ABR: variants seen among roughly 807,000 people sequenced by gnomAD.
ABR encodes the protein ABR activator of RhoGEF and GTPase.
In ABR, 35 loss-of-function variants were observed where a neutral mutation model predicts 107.2. The observed-to-expected ratio is 0.33, with a 90% CI of 0.25 to 0.43. The LOEUF (loss-of-function observed/expected upper bound fraction) is 0.43. Among genes scored for constraint, ABR ranks in the 20% least tolerant of loss-of-function variants. The pLI, the probability that ABR is intolerant of heterozygous loss-of-function variation, is 1.00. For synonymous variants in ABR, 498 were observed against 462.0 expected (o/e 1.08, Z -1.00); for missense variants, 815 against 1,115.2 (o/e 0.73, Z 3.83).
intron 5 of ABR, among the ~76,000 whole-genome samples, chr17:1,081,782 G>A (rs1211002496): frequency 1.3e-5 from 2 of 151,500 alleles, no homozygotes; most frequent in African/African-American, 4.9e-5. Flanking sequence ...TCGCCACGTT[G>A]GCCAGGCTGG....
intron 1 of ABR, among the ~76,000 whole-genome samples, chr17:1,135,212 G>A (rs1201113132): frequency 6.6e-6 from 1 of 152,156 alleles, no homozygotes; most frequent in Admixed American, 6.5e-5. Context: ...GGGCCGTGCT[G>A]GAGAGGAGGC....
intron 1 of ABR, among the ~76,000 whole-genome samples, chr17:1,169,036 C>T (rs780458693): frequency 3.9e-5 from 6 of 152,214 alleles, no homozygotes; most frequent in Non-Finnish European, 7.3e-5. Context: ...TGACCCTCCC[C>T]GTGACGCACT....
rs2589490 is a variant in ABR, at chr17:1,063,607, C to T, written c.1182+3470G>A. Among the ~76,000 whole-genome samples the T allele has an allele frequency of 8.2e-4, 97 of 118,024 alleles. 2 individuals are homozygous for T. The highest frequency in any genetic ancestry group is 3.2e-3 in the African/African-American group (93 of 29,154). The allele number at this position is 118,024 out of a possible 152,430, so 77.4% of individuals were successfully genotyped here. On this transcript the variant is annotated intron_variant, in intron 10 of 22. Coordinates refer to ENST00000302538, the MANE Select transcript of ABR (RefSeq NM_021962.5). ...CATGTTGCTCTAGACACTGTTGTTA[C>T]GTGAACTGAGGGCTATGCATGTTCC...
rs149946801 is a variant in ABR at position 1,097,973 on chromosome 17, T to C, written c.345+2664A>G. On this transcript the variant is annotated intron_variant, in intron 3 of 22. Transcript: ENST00000302538. ...GCATCTCCCGATCTTCTCAACCCCA[T>C]GGAAAGAGAGAGAAAGAATGGCATC... 1.5e-3 allele frequency among the ~76,000 whole-genome samples: 230 copies of C among 152,078 alleles called. 1 individual carries two copies. Among genetic ancestry groups the C allele is most frequent in the African/African-American group, 4.6e-3 (189 of 41,472 alleles).
chr17:1,166,677 G>T (rs1171704865), intron 1 of ABR, among the ~76,000 whole-genome samples: 1 of 152,222 alleles, frequency 6.6e-6, no homozygotes, highest in Non-Finnish European at 1.5e-5. Context: ...AGTGTGGGCA[G>T]CGCGGGCCTC....
Position 1,072,688 on chromosome 17 carries a change from A to C in ABR, c.820T>G (p.Ser274Ala), listed in dbSNP as rs2035340590. 6.2e-7 allele frequency: 1 copy of C among 1,613,464 alleles called. No homozygotes were observed. The highest frequency in any genetic ancestry group is 8.5e-7 in the Non-Finnish European group (1 of 1,179,822). The change falls in exon 8 of 23, where the codon TCC becomes GCC. Residue 274 changes from serine (S) to alanine (A), a missense_variant. Around this residue, in one of 5 missense-constraint regions of ABR, gnomAD observed 385 missense variants for 596.9 expected, o/e 0.64. Coordinates refer to ENST00000302538, the MANE Select transcript of ABR (RefSeq NM_021962.5). The part of the protein sequence containing the change: ...YPLLQDALRI[S>A]QNFLSSINED... Reference sequence around the variant, plus strand: ...TTGATGCTGGACAGGAAGTTCTGGGAGATGCGGAGGGCATCCTGCAGCAGC... The same window carrying C: ...TTGATGCTGGACAGGAAGTTCTGGGCGATGCGGAGGGCATCCTGCAGCAGC...
upstream of ABR, among the ~76,000 whole-genome samples, chr17:1,180,196 G>A (rs2042086312): frequency 6.6e-6 from 1 of 152,038 alleles, no homozygotes; most frequent in Admixed American, 6.5e-5. Context: ...CCAGGCGGCG[G>A]CGCAGACCCA....
intron 1 of ABR, among the ~76,000 whole-genome samples, chr17:1,145,374 C>T (rs902949209): frequency 6.6e-6 from 1 of 152,334 alleles, no homozygotes; most frequent in Admixed American, 6.5e-5. Context: ...GCTTCCCCTC[C>T]GAACCTCCTC....
chr17:1,193,535 A>G (rs1383275077), intron 1 of ABR, among the ~76,000 whole-genome samples: 1 of 152,168 alleles, frequency 6.6e-6, no homozygotes, highest in African/African-American at 2.4e-5. Context: ...GTCCAGAGCA[A>G]TTGTACCTGG....
chr17:1,094,973 A>G (rs1444209872), intron 3 of ABR, among the ~76,000 whole-genome samples: 1 of 152,222 alleles, frequency 6.6e-6, no homozygotes, highest in Admixed American at 6.5e-5. Context: ...ACCCTCCATG[A>G]GGGACATGGA....
At chr17:1,094,242 C>G (rs114109966) in intron 3 of ABR, among the ~76,000 whole-genome samples, 5 of 152,188 alleles carry the variant, frequency 3.3e-5, no homozygotes, top group African/African-American at 4.8e-5. Flanking sequence ...CTCTGCTGTG[C>G]GCACATCACT....
Position 1,010,920 on chromosome 17 carries a change from C to T in ABR, c.2102-57G>A. ...TAGCTGGGCCAGCAGCCCCGTTCCACCCCCGACCCATCCTGACACAGCCCC... is the reference window on the plus strand; with the variant it reads ...TAGCTGGGCCAGCAGCCCCGTTCCATCCCCGACCCATCCTGACACAGCCCC... On this transcript the variant is annotated intron_variant, in intron 19 of 22. Coordinates refer to ENST00000302538, the MANE Select transcript of ABR (RefSeq NM_021962.5). This position sits in a 1 kb window ranked among gnomAD's most constrained non-coding sequence, Gnocchi z 4.1. 2 of 1,602,010 alleles carry T rather than the reference C, an allele frequency of 1.2e-6. No individual in the cohort carries two copies. Among genetic ancestry groups the T allele is most frequent in the Non-Finnish European group, 8.5e-7 (1 of 1,176,076 alleles).
intron 1 of ABR, among the ~76,000 whole-genome samples, chr17:1,152,602 A>G (rs1473458783): frequency 6.6e-6 from 1 of 151,958 alleles, no homozygotes; most frequent in Non-Finnish European, 1.5e-5. Context: ...AAAAAAAAAA[A>G]AAGACAGGAC....
At chr17:1,064,717 C>T (rs55644411) in intron 10 of ABR, among the ~76,000 whole-genome samples, 263 of 16,068 alleles carry the variant, frequency 0.016, no homozygotes, top group Middle Eastern at 0.083. Flanking sequence ...ACTGCTGTTA[C>T]GTGAACTGAG....
At chr17:1,185,708 A>C (rs2042273920) in intron 1 of ABR, among the ~76,000 whole-genome samples, 1 of 151,656 alleles carries the variant, frequency 6.6e-6, no homozygotes, top group Non-Finnish European at 1.5e-5. Flanking sequence ...TGGATCAAGA[A>C]GACGACCTCC....
chr17:1,081,742 A>G (rs1328836601), intron 5 of ABR, among the ~76,000 whole-genome samples: 1 of 151,554 alleles, frequency 6.6e-6, no homozygotes, highest in Non-Finnish European at 1.5e-5. Context: ...ACGCCCGGCT[A>G]ATTTTTGTAT....
In ABR at chr17:1,050,505, T is replaced by C. The variant is rs923768388; in HGVS notation, c.1659+32A>G. On this transcript the variant is annotated intron_variant, in intron 15 of 22. Transcript: ENST00000302538. The surrounding 1 kb of genome is among the most constrained non-coding windows in gnomAD (Gnocchi z 4.6). Reference sequence around the variant, plus strand: ...AAGCCACGAGCACGGGGTGGTGGGGTCCCCACAGAGATGCCAGCCCCTGCC... The same window carrying C: ...AAGCCACGAGCACGGGGTGGTGGGGCCCCCACAGAGATGCCAGCCCCTGCC... The C allele has an allele frequency of 3.1e-6, 5 of 1,591,162 alleles. No individual in the cohort carries two copies. Among genetic ancestry groups the C allele is most frequent in the Non-Finnish European group, 4.3e-6 (5 of 1,160,008 alleles).
chr17:1,074,690 G>C (rs1388632495), intron 6 of ABR, among the ~76,000 whole-genome samples: 1 of 152,240 alleles, frequency 6.6e-6, no homozygotes, highest in Non-Finnish European at 1.5e-5. Context: ...GCTGGAGGCA[G>C]GGAGGCTGGA....
chr17:1,095,787 G>T (rs955357115), intron 3 of ABR, among the ~76,000 whole-genome samples: 6 of 152,166 alleles, frequency 3.9e-5, no homozygotes, highest in Non-Finnish European at 7.3e-5. Flanking sequence ...CCGGCCTTTC[G>T]AAATAAGGGA....
Sources: allele counts gnomAD v4.1 joint callset (sites outside exome capture counted in the v4.1 genomes callset), GRCh38; gene constraint gnomAD v4.1.1; regional missense constraint gnomAD v4.1.1; non-coding constraint Gnocchi (gnomAD v3.1); transcripts MANE v1.5; gene names NCBI Gene and HGNC (gene_info 2026-07-23, HGNC 2026-07-21).